Variants in SNX29 observed in about 807,000 individuals in gnomAD.
The protein encoded by SNX29 is sorting nexin 29.
In SNX29, 78 loss-of-function variants were observed where a neutral mutation model predicts 102.1. That is an observed-to-expected ratio of 0.76 (90% CI 0.64 to 0.92). SNX29 has a LOEUF of 0.92. Ranked by LOEUF, SNX29 falls within the 40% of genes least tolerant of loss-of-function variation. SNX29 has a pLI of 0.00. For missense variants in SNX29, 1,280 were observed against 1,061.7 expected, an observed-to-expected ratio of 1.21 and a Z score of -2.86; for synonymous variants, 580 against 414.5, an observed-to-expected ratio of 1.40 and a Z score of -4.85.
chr16:12,001,459 A>G (rs1241187620), intron 2 of SNX29, among the ~76,000 whole-genome samples: 4 of 152,144 alleles, frequency 2.6e-5, no homozygotes, highest in Non-Finnish European at 5.9e-5. Context: ...TTTGACGGTT[A>G]AAGTGTTGCA....
At chr16:12,169,065 G>T (rs2076083607) in intron 13 of SNX29, among the ~76,000 whole-genome samples, 1 of 152,232 alleles carries the variant, frequency 6.6e-6, no homozygotes, top group Non-Finnish European at 1.5e-5. Context: ...GGGGTGTGAG[G>T]TTTCTTGTGC....
intron 18 of SNX29, among the ~76,000 whole-genome samples, chr16:12,452,633 G>A (rs995886171): frequency 9.9e-5 from 15 of 152,076 alleles, no homozygotes; most frequent in African/African-American, 3.1e-4. Flanking sequence ...TCCTTCTTCA[G>A]TGGATGTGAG....
At chr16:12,367,480 A>G (rs2082528313) in intron 16 of SNX29, 1 of 152,216 alleles carries the variant, frequency 6.6e-6, no homozygotes, top group African/African-American at 2.4e-5. Flanking sequence ...CTGATGGGAG[A>G]GAAAGATGAG....
intron 13 of SNX29, among the ~76,000 whole-genome samples, chr16:12,188,599 C>G (rs1392071963): frequency 1.3e-5 from 2 of 152,144 alleles, no homozygotes; most frequent in South Asian, 2.1e-4. Context: ...TGGGCTGTTT[C>G]TCTGGCTCTG....
chr16:12,550,376 A>C (rs2077894513), intron 20 of SNX29, among the ~76,000 whole-genome samples: 1 of 152,096 alleles, frequency 6.6e-6, no homozygotes, highest in African/African-American at 2.4e-5. Context: ...CTCTACTAAA[A>C]ATCCAAAAAT....
intron 16 of SNX29, among the ~76,000 whole-genome samples, chr16:12,360,869 T>TC (rs1290574305): frequency 6.6e-6 from 1 of 152,226 alleles, no homozygotes; most frequent in Non-Finnish European, 1.5e-5. Context: ...TTACTGAGGT[T>TC]CAGAGAAGCC....
chr16:12,075,987 C>A (rs986577304), intron 10 of SNX29, among the ~76,000 whole-genome samples: 6 of 152,246 alleles, frequency 3.9e-5, no homozygotes, highest in Non-Finnish European at 8.8e-5. Flanking sequence ...GGGATATAAT[C>A]TCCTCACGCG....
At chr16:12,008,299 C>T (rs1193509581) in intron 3 of SNX29, among the ~76,000 whole-genome samples, 4 of 150,940 alleles carry the variant, frequency 2.7e-5, no homozygotes, top group East Asian at 2.0e-4. Flanking sequence ...GATGGAGTTT[C>T]GCTCTTGTTG....
chr16:12,077,391 GT>G (rs2051631380), intron 10 of SNX29, among the ~76,000 whole-genome samples: 3 of 98,524 alleles, frequency 3.0e-5, no homozygotes, highest in Non-Finnish European at 6.5e-5. Context: ...GTCATGGTGT[GT>G]GTGTGTGTGT....
intron 8 of SNX29, among the ~76,000 whole-genome samples, chr16:12,054,522 C>T (rs527610744): frequency 1.3e-5 from 2 of 152,214 alleles, no homozygotes; most frequent in Non-Finnish European, 2.9e-5. Context: ...CAAGTGAAGG[C>T]AGGGAGGGAT....
intron 18 of SNX29, among the ~76,000 whole-genome samples, chr16:12,459,735 T>A (rs1368671961): frequency 6.6e-6 from 1 of 152,142 alleles, no homozygotes; most frequent in East Asian, 1.9e-4. Flanking sequence ...GCAGCTAACC[T>A]TGGACTTGGG....
intron 4 of SNX29, among the ~76,000 whole-genome samples, chr16:12,032,106 C>T (rs993981508): frequency 6.6e-6 from 1 of 152,018 alleles, no homozygotes; most frequent in Non-Finnish European, 1.5e-5. Flanking sequence ...TGGAATCATG[C>T]AATATTTGTT....
chr16:12,358,183 C>A (rs1281836341), intron 16 of SNX29, among the ~76,000 whole-genome samples: 1 of 121,914 alleles, frequency 8.2e-6, no homozygotes, highest in Non-Finnish European at 2.0e-5. Context: ...GTAAAAGCAC[C>A]TATTTATTAA....
rs1012891370 is a variant in SNX29, at chr16:12,569,321, C to T, written c.*692C>T. 6 of 229,662 alleles carry T rather than the reference C, an allele frequency of 2.6e-5. No homozygotes were observed. The highest frequency in any genetic ancestry group is 1.8e-4 in the South Asian group (1 of 5,486). The allele number at this position is 229,662 out of a possible 1,614,324, so 14.2% of individuals were successfully genotyped here. Reference sequence around the variant, plus strand: ...GGCTGGCTTCAGGAAGGACCAGTGCCCTCCATAGCCTGAGGCCACCTAGGC... The same window carrying T: ...GGCTGGCTTCAGGAAGGACCAGTGCTCTCCATAGCCTGAGGCCACCTAGGC... On this transcript the variant is annotated 3_prime_UTR_variant, in exon 21 of 21. Coordinates refer to ENST00000566228, the MANE Select transcript of SNX29 (RefSeq NM_032167.5).
chr16:12,456,506 CGTGTGT>C lies in SNX29; in HGVS notation c.2038-21194_2038-21189del, dbSNP rs3072479. Among the ~76,000 whole-genome samples the C allele has an allele frequency of 6.0e-5, 9 of 148,948 alleles. No homozygotes were observed. In the East Asian group the frequency reaches 9.9e-4, roughly 16 times the overall value. On this transcript the variant is annotated intron_variant, in intron 18 of 20. Coordinates refer to ENST00000566228, the MANE Select transcript of SNX29 (RefSeq NM_032167.5). ...GTGTATACTGGGTGGCATGTGTGCACGTGTGTGTGTGTGTGTGTGTGTGTATGTGCA... is the reference window on the plus strand; with the variant it reads ...GTGTATACTGGGTGGCATGTGTGCACGTGTGTGTGTGTGTGTGTATGTGCA...
chr16:12,495,921 C>T (rs2088798819), intron 19 of SNX29, among the ~76,000 whole-genome samples: 2 of 152,162 alleles, frequency 1.3e-5, no homozygotes, highest in African/African-American at 4.8e-5. Flanking sequence ...GATACGGTGT[C>T]AGGTGCCTGT....
chr16:12,226,873 C>G (rs897543315), intron 14 of SNX29, among the ~76,000 whole-genome samples: 3 of 152,156 alleles, frequency 2.0e-5, no homozygotes, highest in African/African-American at 7.2e-5. Flanking sequence ...CCACCACGCC[C>G]CACTGAGCCT....
chr16:12,474,695 T>C (rs141663202), intron 18 of SNX29, among the ~76,000 whole-genome samples: 1 of 152,346 alleles, frequency 6.6e-6, no homozygotes, highest in African/African-American at 2.4e-5. Flanking sequence ...CAAATTACGA[T>C]GGCAATTTAT....
At chr16:12,016,840 A>T (rs1226966161) in intron 3 of SNX29, among the ~76,000 whole-genome samples, 1 of 152,000 alleles carries the variant, frequency 6.6e-6, no homozygotes. Flanking sequence ...AAAAAAAATT[A>T]TACTGGCCGA....
Sources: gnomAD v4.1 joint callset for allele counts (sites outside exome capture counted in the v4.1 genomes callset) on GRCh38, gnomAD v4.1.1 for gene constraint, MANE v1.5 for transcripts, NCBI Gene and HGNC (gene_info 2026-07-23, HGNC 2026-07-21) for gene names.